Variants in UGT1A4 observed in about 807,000 individuals in gnomAD.
The protein encoded by UGT1A4 is UDP-glucuronosyltransferase 1A4.
In UGT1A4, 32 loss-of-function variants were observed where a neutral mutation model predicts 41.1. That is an observed-to-expected ratio of 0.78 (90% confidence interval 0.59 to 1.05). The LOEUF is 1.05. Among genes scored for constraint, UGT1A4 ranks in the 50% least tolerant of loss-of-function variants. The pLI is 0.00. For synonymous variants in UGT1A4, 283 were observed against 265.1 expected, an observed-to-expected ratio of 1.07 and a Z score of -0.66; for missense variants, 748 against 677.4, an observed-to-expected ratio of 1.10 and a Z score of -1.16.
intron 1 of UGT1A4, among the ~76,000 whole-genome samples, chr2:233,727,487 G>T (rs980960978): frequency 2.0e-5 from 3 of 152,164 alleles, no homozygotes; most frequent in Admixed American, 6.5e-5. Context: ...CTACTTGGAG[G>T]TAGAACATGG....
intron 1 of UGT1A4, chr2:233,729,673 A>C: frequency 3.1e-6 from 5 of 1,613,898 alleles, no homozygotes; most frequent in Non-Finnish European, 4.2e-6. Context: ...TTTAGACTTT[A>C]AGGGCACACA....
At chr2:233,758,822 C>G (rs1559405165) in intron 1 of UGT1A4, among the ~76,000 whole-genome samples, 1 of 152,138 alleles carries the variant, frequency 6.6e-6, no homozygotes, top group Admixed American at 6.5e-5. Context: ...AGTATATCCC[C>G]CCCAAAAAGA....
intron 1 of UGT1A4, among the ~76,000 whole-genome samples, chr2:233,750,429 T>C (rs1273290769): frequency 6.6e-6 from 1 of 151,918 alleles, no homozygotes; most frequent in Non-Finnish European, 1.5e-5. Flanking sequence ...GAAAAACCCA[T>C]TTTATGGGGA....
At chr2:233,748,271 GAGGA>G (rs762610387) in intron 1 of UGT1A4, among the ~76,000 whole-genome samples, 6 of 151,770 alleles carry the variant, frequency 4.0e-5, no homozygotes, top group Admixed American at 1.3e-4. Flanking sequence ...TGGTCAATGA[GAGGA>G]AGAAGAGGCA....
chr2:233,740,112 A>C (rs1691308174), intron 1 of UGT1A4, among the ~76,000 whole-genome samples: 1 of 151,796 alleles, frequency 6.6e-6, no homozygotes, highest in African/African-American at 2.4e-5. Context: ...GCCTTTGCTT[A>C]TCTCTCACCT....
chr2:233,769,915 T>C lies in UGT1A4; in HGVS notation c.1307+1476T>C, dbSNP rs906114329. 1 of 293,246 alleles carries C rather than the reference T, an allele frequency of 3.4e-6. No individual in the cohort carries two copies. The allele number at this position is 293,246 out of a possible 1,614,324, so 18.2% of individuals were successfully genotyped here. Reference sequence around the variant, plus strand: ...ACCTGAGCATCATGTGCCCAGAGCGTTGGGTGGTGTGGTCCCATTCCTTCC... The same window carrying C: ...ACCTGAGCATCATGTGCCCAGAGCGCTGGGTGGTGTGGTCCCATTCCTTCC... On this transcript the variant is annotated intron_variant, in intron 4 of 4. Transcript: ENST00000373409. The surrounding 1 kb of genome is among the most constrained non-coding windows in gnomAD (Gnocchi z 4.4).
intron 1 of UGT1A4, among the ~76,000 whole-genome samples, chr2:233,727,645 C>T (rs1332345020): frequency 3.9e-5 from 6 of 152,104 alleles, no homozygotes; most frequent in South Asian, 2.1e-4. Context: ...GCTGAGAATC[C>T]CTTTCTAGTG....
At chr2:233,747,164 A>C (rs559745186) in intron 1 of UGT1A4, 19 of 1,590,218 alleles carry the variant, frequency 1.2e-5, no homozygotes, top group Non-Finnish European at 1.6e-5. Context: ...AAACAAATGT[A>C]GGAGGCACAG....
chr2:233,743,215 C>T (rs1225035803), intron 1 of UGT1A4: 38 of 407,424 alleles, frequency 9.3e-5, no homozygotes, highest in Non-Finnish European at 1.6e-4. Context: ...GGAGTAACTG[C>T]TCTTTGCTAT....
intron 1 of UGT1A4, chr2:233,754,615 C>G (rs1360410521): frequency 2.3e-6 from 1 of 438,040 alleles, no homozygotes; most frequent in Non-Finnish European, 4.6e-6. Context: ...TCTCCATCTT[C>G]CTCCACTTCC....
At position 233,719,078 on chromosome 2, in the gene UGT1A4, G is replaced by C; in HGVS notation, c.258G>C (p.Gln86His). The C allele has an allele frequency of 6.2e-7, 1 of 1,614,254 alleles. No individual in the cohort carries two copies. The highest frequency in any genetic ancestry group is 8.5e-7 in the Non-Finnish European group (1 of 1,180,052). The change falls in exon 1 of 5, where the codon CAG (glutamine) becomes CAC (histidine). Residue 86 changes from glutamine (Q) to histidine (H), a missense_variant. By Grantham distance (24) the Gln-to-His change is conservative (BLOSUM62 0). Coordinates refer to ENST00000373409, the MANE Select transcript of UGT1A4 (RefSeq NM_007120.3). ...CAGCCTATGCTGTTCCATGGACCCA[G>C]AAGGAATTTGATCGCGTTACGCTGG... ...TLTAYAVPWT[Q>H]KEFDRVTLGY...
intron 4 of UGT1A4, chr2:233,770,921 G>C (rs759022692): frequency 6.6e-6 from 1 of 152,192 alleles, no homozygotes; most frequent in Non-Finnish European, 1.5e-5. Context: ...GCTTAGTGCT[G>C]ACATCACTTG....
chr2:233,730,285 A>G (rs2078010398), intron 1 of UGT1A4, among the ~76,000 whole-genome samples: 1 of 152,170 alleles, frequency 6.6e-6, no homozygotes, highest in Admixed American at 6.5e-5. Context: ...CACCATCTTC[A>G]TGGTTGTGCA....
At chr2:233,760,638 A>G (rs752920136) in intron 1 of UGT1A4, 10 of 1,614,086 alleles carry the variant, frequency 6.2e-6, no homozygotes, top group African/African-American at 1.3e-5. Context: ...AGAAAATAAA[A>G]AAGGACTCTG....
intron 1 of UGT1A4, chr2:233,747,257 G>T: frequency 6.2e-7 from 1 of 1,600,080 alleles, no homozygotes; most frequent in Non-Finnish European, 8.5e-7. Context: ...CTGGCCACAG[G>T]AGTGCTACTC....
At chr2:233,729,120 T>G (rs771266076) in intron 1 of UGT1A4, 117 of 1,612,970 alleles carry the variant, frequency 7.3e-5, no homozygotes, top group Non-Finnish European at 9.5e-5. Flanking sequence ...CCGTGTCTTC[T>G]GCTGAGATGG....
intron 1 of UGT1A4, 122 bp from the exon 2 acceptor site, chr2:233,766,912 T>C: frequency 6.5e-7 from 1 of 1,532,250 alleles, no homozygotes; most frequent in African/African-American, 1.4e-5. Context: ...TTTTACTCTA[T>C]CTCAAACACG....
At chr2:233,767,317 G>A in intron 2 of UGT1A4, 152 bp downstream of exon 2, 4 of 1,492,088 alleles carry the variant, frequency 2.7e-6, no homozygotes, top group Non-Finnish European at 3.5e-6. Flanking sequence ...TTTTTTTGTT[G>A]TTGTGGTTGT....
intron 1 of UGT1A4, among the ~76,000 whole-genome samples, chr2:233,757,055 C>T (rs1475700124): frequency 1.3e-5 from 2 of 151,398 alleles, no homozygotes; most frequent in African/African-American, 2.4e-5. Flanking sequence ...GTTTGGGGAA[C>T]AGCAAGGGAT....
Sources: gnomAD v4.1 joint callset for allele counts (sites outside exome capture counted in the v4.1 genomes callset) on GRCh38, gnomAD v4.1.1 for gene constraint, Gnocchi (gnomAD v3.1) non-coding constraint, MANE v1.5 for transcripts, NCBI Gene and HGNC (gene_info 2026-07-23, HGNC 2026-07-21) for gene names.